GUCY2C: variants seen among roughly 807,000 people sequenced by gnomAD.
The protein encoded by GUCY2C is guanylyl cyclase C.
In GUCY2C, 118 loss-of-function variants were observed where a neutral mutation model predicts 131.1. That is an observed-to-expected ratio of 0.90 (90% CI 0.78 to 1.05). The LOEUF (loss-of-function observed/expected upper bound fraction) is 1.05. Ranked by LOEUF, GUCY2C falls within the 50% of genes least tolerant of loss-of-function variation. GUCY2C has a pLI of 0.00. For synonymous variants in GUCY2C, 452 were observed against 457.8 expected (o/e 0.99, Z 0.16); for missense variants, 1,161 against 1,304.4 (o/e 0.89, Z 1.69).
chr12:14,673,923 G>A (rs1031785117), intron 8 of GUCY2C, among the ~76,000 whole-genome samples: 8 of 152,314 alleles, frequency 5.3e-5, no homozygotes, highest in Middle Eastern at 6.8e-3. Context: ...GCAGCCCTCA[G>A]TCCTAATGCT....
intron 15 of GUCY2C, 77 bp downstream of exon 15, chr12:14,651,330 T>C: frequency 1.3e-6 from 1 of 751,704 alleles, no homozygotes; most frequent in Non-Finnish European, 2.3e-6. Flanking sequence ...AATATTATTT[T>C]ACTCGGTAAA....
chr12:14,615,519 A>C (rs1946741012), intron 25 of GUCY2C, among the ~76,000 whole-genome samples: 1 of 151,822 alleles, frequency 6.6e-6, no homozygotes, highest in South Asian at 2.1e-4. Context: ...GTATTTGAAA[A>C]AGAGATACAA....
At chr12:14,657,901 A>G (rs941723929) in intron 11 of GUCY2C, among the ~76,000 whole-genome samples, 1 of 152,252 alleles carries the variant, frequency 6.6e-6, no homozygotes, top group Non-Finnish European at 1.5e-5. Flanking sequence ...TTCCCAAAGC[A>G]GTAGTTATCA....
At chr12:14,639,717 G>A (rs4764106) in intron 19 of GUCY2C, 145 bp downstream of exon 19, 2 of 611,524 alleles carry the variant, frequency 3.3e-6, no homozygotes, top group Non-Finnish European at 2.9e-6. Context: ...AGCTCTTCTG[G>A]AGGAAGTGTG....
intron 4 of GUCY2C, among the ~76,000 whole-genome samples, chr12:14,682,347 T>C (rs1159889290): frequency 6.6e-6 from 1 of 152,148 alleles, no homozygotes; most frequent in African/African-American, 2.4e-5. Context: ...TGAGATCTGA[T>C]GGTTTTATAA....
At position 14,613,002 on chromosome 12, in the gene GUCY2C, G is replaced by T; in HGVS notation, c.*115C>A. ...TTCCAGACAGGGCAGCCAAGCCTAA[G>T]TACATTTCTGCTTCATTGAGGTCTC... On this transcript the variant is annotated 3_prime_UTR_variant, in exon 27 of 27. Coordinates refer to ENST00000261170, the MANE Select transcript of GUCY2C (RefSeq NM_004963.4). The surrounding 1 kb of genome is among the most constrained non-coding windows in gnomAD (Gnocchi z 4.9). 1.2e-6 allele frequency: 1 copy of T among 820,462 alleles called. No homozygotes were observed. Among genetic ancestry groups the T allele is most frequent in the Non-Finnish European group, 2.0e-6 (1 of 495,732 alleles). The allele number at this position is 820,462 out of a possible 1,614,324, so 50.8% of individuals were successfully genotyped here.
chr12:14,620,510 T>C (rs1946872905), intron 23 of GUCY2C, among the ~76,000 whole-genome samples: 1 of 152,242 alleles, frequency 6.6e-6, no homozygotes, highest in African/African-American at 2.4e-5. Context: ...TTAATATGCA[T>C]AAGCTTTTCT....
intron 11 of GUCY2C, among the ~76,000 whole-genome samples, chr12:14,660,405 A>G (rs1402498500): frequency 6.6e-6 from 1 of 152,194 alleles, no homozygotes; most frequent in Admixed American, 6.5e-5. Flanking sequence ...ACTGATGGTG[A>G]GAAGGCTTGA....
In GUCY2C at chr12:14,641,233, C is replaced by T. The variant is rs764613083; in HGVS notation, c.1931-14G>A. 4.3e-5 allele frequency: 70 copies of T among 1,612,216 alleles called. No individual in the cohort carries two copies. The South Asian group carries it at 7.4e-4, about 17-fold the overall frequency. On this transcript the variant is annotated splice_polypyrimidine_tract_variant and intron_variant, in intron 17 of 26. Transcript: ENST00000261170. ...CTGTCCACAGGTCTGTAAATGTAGA[C>T]ATTGAGATTACAAAGTTGAGGGGGG...
At chr12:14,691,546 A>C (rs185827281) in intron 1 of GUCY2C, among the ~76,000 whole-genome samples, 1 of 152,260 alleles carries the variant, frequency 6.6e-6, no homozygotes, top group East Asian at 1.9e-4. Flanking sequence ...GAGGAGTCAG[A>C]AAGTGACGTG....
intron 24 of GUCY2C, among the ~76,000 whole-genome samples, chr12:14,618,492 G>A (rs1270481545): frequency 6.6e-6 from 1 of 152,088 alleles, no homozygotes; most frequent in Non-Finnish European, 1.5e-5. Context: ...AAGCCTAGGC[G>A]ACAGAGTGAG....
At chr12:14,668,904 TG>T (rs1359076762) in intron 10 of GUCY2C, among the ~76,000 whole-genome samples, 5 of 152,064 alleles carry the variant, frequency 3.3e-5, no homozygotes, top group African/African-American at 1.2e-4. Flanking sequence ...CTTAAGTAGG[TG>T]GGTAACTATC....
chr12:14,628,813 A>T (rs1439576320), intron 19 of GUCY2C, 76 bp from the exon 20 acceptor site: 1 of 797,528 alleles, frequency 1.3e-6, no homozygotes, highest in African/African-American at 1.7e-5. Flanking sequence ...ATTCTCATTG[A>T]TGGGAGTGAT....
At chr12:14,640,337 G>C (rs767145765) in intron 18 of GUCY2C, among the ~76,000 whole-genome samples, 1 of 151,510 alleles carries the variant, frequency 6.6e-6, no homozygotes, top group Non-Finnish European at 1.5e-5. Flanking sequence ...TGCACCTGTC[G>C]TCCCAGCTAC....
intron 13 of GUCY2C, 113 bp from the exon 14 acceptor site, chr12:14,652,143 C>A: frequency 4.5e-6 from 2 of 440,982 alleles, no homozygotes; most frequent in South Asian, 6.9e-5. Flanking sequence ...AGAGCAGTGA[C>A]AGTATTTGAT....
At chr12:14,680,519 G>A (rs1297079677) in intron 5 of GUCY2C, among the ~76,000 whole-genome samples, 1 of 152,118 alleles carries the variant, frequency 6.6e-6, no homozygotes, top group African/African-American at 2.4e-5. Flanking sequence ...GGCAATAAAT[G>A]ATGATTTGAA....
At chr12:14,618,805 AAAC>A (rs1462135671) in intron 24 of GUCY2C, among the ~76,000 whole-genome samples, 1 of 152,120 alleles carries the variant, frequency 6.6e-6, no homozygotes, top group Non-Finnish European at 1.5e-5. Context: ...TGTCTCTAAA[AAAC>A]AACAACAAAA....
chr12:14,641,317 C>A, intron 17 of GUCY2C, 98 bp from the exon 18 acceptor site: 3 of 1,203,848 alleles, frequency 2.5e-6, no homozygotes, highest in South Asian at 2.6e-5. Context: ...ACCATCCACT[C>A]TAAATATGGG....
intron 1 of GUCY2C, among the ~76,000 whole-genome samples, chr12:14,694,725 CTTA>C (rs1441324689): frequency 6.6e-6 from 1 of 152,198 alleles, no homozygotes; most frequent in Non-Finnish European, 1.5e-5. Flanking sequence ...ACAGAAGTAA[CTTA>C]TTATTCATAT....
Sources: gnomAD v4.1 joint callset for allele counts (sites outside exome capture counted in the v4.1 genomes callset) on GRCh38, gnomAD v4.1.1 for gene constraint, Gnocchi (gnomAD v3.1) non-coding constraint, MANE v1.5 for transcripts, NCBI Gene and HGNC (gene_info 2026-07-23, HGNC 2026-07-21) for gene names.